Variants in OTUD7A observed in about 807,000 individuals in gnomAD.
The protein encoded by OTUD7A is OTU domain-containing protein 7A.
A neutral mutation model predicts 65.7 loss-of-function variants in OTUD7A; 12 were observed. The ratio of observed to expected loss-of-function variants is 0.18; its 90% CI spans 0.12 to 0.30. OTUD7A has a LOEUF of 0.30. Among genes scored for constraint, OTUD7A ranks in the 10% least tolerant of loss-of-function variants. The pLI, the probability that OTUD7A is intolerant of heterozygous loss-of-function variation, is 1.00. For missense variants in OTUD7A, 1,148 were observed against 1,304.8 expected (o/e 0.88, Z 1.85); for synonymous variants, 641 against 586.3 (o/e 1.09, Z -1.35).
intron 5 of OTUD7A, among the ~76,000 whole-genome samples, chr15:31,548,615 C>T (rs934908578): frequency 2.6e-5 from 4 of 151,944 alleles, no homozygotes; most frequent in African/African-American, 9.7e-5. Context: ...TGCATGCAGC[C>T]GATGTGAGAT....
At chr15:31,647,825 G>C (rs1425015906) in intron 3 of OTUD7A, among the ~76,000 whole-genome samples, 6 of 151,974 alleles carry the variant, frequency 3.9e-5, no homozygotes, top group Non-Finnish European at 8.8e-5. Context: ...TTGCTGTCGG[G>C]GAGTTCATGA....
chr15:31,600,801 G>C (rs1256918762), intron 3 of OTUD7A, among the ~76,000 whole-genome samples: 1 of 152,160 alleles, frequency 6.6e-6, no homozygotes, highest in South Asian at 2.1e-4. Context: ...AAAAGCAGGG[G>C]TTGCAATCCT....
intron 10 of OTUD7A, among the ~76,000 whole-genome samples, chr15:31,490,469 A>T (rs2041304131): frequency 6.6e-6 from 1 of 152,212 alleles, no homozygotes. Context: ...AAAACATTCC[A>T]GTCAAACTGC....
At position 31,651,468 on chromosome 15, in the gene OTUD7A, T is replaced by G. The variant is rs543868270; in HGVS notation, c.151+3628A>C. Among the ~76,000 whole-genome samples the G allele has an allele frequency of 8.2e-4, 125 of 151,540 alleles. 1 individual carries two copies. Among genetic ancestry groups the G allele is most frequent in the African/African-American group, 2.9e-3 (120 of 41,266 alleles). On this transcript the variant is annotated intron_variant, in intron 3 of 12. Coordinates refer to ENST00000307050, the MANE Select transcript of OTUD7A (RefSeq NM_001382637.1). ...TAACCTTTTGAATAGTCTTCGTCAG[T>G]GAAATAAGACAAGAAAACCAGAAAG...
chr15:31,758,441 G>A (rs968184931), intron 1 of OTUD7A, among the ~76,000 whole-genome samples: 9 of 152,044 alleles, frequency 5.9e-5, no homozygotes, highest in Non-Finnish European at 1.0e-4. Context: ...TAGCAGGTAC[G>A]ATCACACAAA....
chr15:31,697,673 T>C (rs1220521331), intron 1 of OTUD7A, among the ~76,000 whole-genome samples: 3 of 152,180 alleles, frequency 2.0e-5, no homozygotes, highest in Non-Finnish European at 4.4e-5. Flanking sequence ...TTCTCTATCA[T>C]TACATTTTCA....
chr15:31,677,594 T>G (rs1254339550), intron 1 of OTUD7A, among the ~76,000 whole-genome samples: 1 of 152,138 alleles, frequency 6.6e-6, no homozygotes, highest in East Asian at 1.9e-4. Flanking sequence ...TGCCTGGCAT[T>G]TCCCCTGCTT....
intron 1 of OTUD7A, among the ~76,000 whole-genome samples, chr15:31,784,483 A>T (rs77713057): frequency 0.04 from 6,097 of 152,222 alleles, 410 homozygotes; most frequent in African/African-American, 0.14. Flanking sequence ...TTTTTGAAAA[A>T]TTTTTCATAA....
chr15:31,617,904 A>C (rs1890643785), intron 3 of OTUD7A, among the ~76,000 whole-genome samples: 1 of 151,960 alleles, frequency 6.6e-6, no homozygotes, highest in Non-Finnish European at 1.5e-5. Context: ...CATTACGCAT[A>C]TCTCCTAATG....
intron 5 of OTUD7A, among the ~76,000 whole-genome samples, chr15:31,539,570 G>T (rs1011447089): frequency 6.6e-6 from 1 of 152,134 alleles, no homozygotes; most frequent in Non-Finnish European, 1.5e-5. Context: ...ATAAAGTTGG[G>T]TTTTTTGGAA....
At chr15:31,614,948 A>G (rs1348301763) in intron 3 of OTUD7A, among the ~76,000 whole-genome samples, 1 of 152,230 alleles carries the variant, frequency 6.6e-6, no homozygotes, top group Non-Finnish European at 1.5e-5. Context: ...GAAACTCGAT[A>G]GTCAAGGATG....
At chr15:31,695,890 C>T (rs1416313594) in intron 1 of OTUD7A, among the ~76,000 whole-genome samples, 4 of 150,902 alleles carry the variant, frequency 2.7e-5, no homozygotes, top group African/African-American at 9.7e-5. Flanking sequence ...AGGGCCTATT[C>T]TGTGCCAGGC....
At chr15:31,578,144 T>C (rs1265390333) in intron 3 of OTUD7A, among the ~76,000 whole-genome samples, 4 of 152,046 alleles carry the variant, frequency 2.6e-5, no homozygotes, top group Non-Finnish European at 5.9e-5. Flanking sequence ...CAGGCCAAGG[T>C]GGGAAGTAGG....
At chr15:31,495,902 C>G (rs1331363678) in intron 10 of OTUD7A, among the ~76,000 whole-genome samples, 2 of 151,808 alleles carry the variant, frequency 1.3e-5, no homozygotes, top group African/African-American at 4.8e-5. Context: ...ACCGTCTGTA[C>G]CAAAAGTACA....
intron 8 of OTUD7A, among the ~76,000 whole-genome samples, chr15:31,511,765 T>TATATATGTATATCTATATGTAACAC (rs2041754076): frequency 1.3e-5 from 2 of 149,948 alleles, no homozygotes; most frequent in East Asian, 1.9e-4. Context: ...ATATGTAACA[T>TATATATGTATATCTATATGTAACAC]ACATATATAT....
chr15:31,501,873 G>A (rs567627816), intron 9 of OTUD7A, 34 bp from the exon 10 acceptor site: 3 of 1,579,146 alleles, frequency 1.9e-6, no homozygotes, highest in South Asian at 1.2e-5. Flanking sequence ...GGTGTGAGGA[G>A]CAGCCAGCTC....
At chr15:31,653,313 T>C (rs921160367) in intron 3 of OTUD7A, among the ~76,000 whole-genome samples, 34 of 152,108 alleles carry the variant, frequency 2.2e-4, no homozygotes, top group African/African-American at 8.2e-4. Flanking sequence ...AATCCTGTTC[T>C]TAAATGTTTC....
In OTUD7A at chr15:31,820,698, G is replaced by A. The variant is rs149784400; in HGVS notation, c.-100+49809C>T. 3.3e-3 allele frequency among the ~76,000 whole-genome samples: 499 copies of A among 152,308 alleles called. 3 individuals are homozygous for A. Among genetic ancestry groups the A allele is most frequent in the African/African-American group, 0.012 (483 of 41,564 alleles). On this transcript the variant is annotated intron_variant, in intron 1 of 12. Coordinates refer to ENST00000307050, the MANE Select transcript of OTUD7A (RefSeq NM_001382637.1). ...GGATCCAGTGGTTGGCTGCCCACAA[G>A]CTAGACCAGAGTACTTCTCCAGGAA...
chr15:31,617,784 A>AT (rs996139228), intron 3 of OTUD7A, among the ~76,000 whole-genome samples: 9 of 151,814 alleles, frequency 5.9e-5, no homozygotes, highest in South Asian at 2.1e-4. Flanking sequence ...TTATTTTTTA[A>AT]TTTTTTTATT....
Sources: allele counts gnomAD v4.1 joint callset (sites outside exome capture counted in the v4.1 genomes callset), GRCh38; gene constraint gnomAD v4.1.1; transcripts MANE v1.5; gene names NCBI Gene and HGNC (gene_info 2026-07-23, HGNC 2026-07-21).